The following PSMF1 variants were observed in gnomAD, a reference collection of about 807,000 sequenced individuals.
PSMF1 encodes proteasome inhibitor PI31 subunit.
Under a neutral mutation model 29.3 loss-of-function variants are expected in PSMF1, and 30 were observed. The ratio of observed to expected loss-of-function variants is 1.02; its 90% CI spans 0.77 to 1.39. The LOEUF is 1.39. Ranked by LOEUF, PSMF1 falls within the 40% of genes most tolerant of loss-of-function variation. PSMF1 has a pLI of 0.00. For missense variants in PSMF1, 344 were observed against 357.5 expected (o/e 0.96, Z 0.31); for synonymous variants, 134 against 139.7 (o/e 0.96, Z 0.29).
Position 1,164,492 on chromosome 20 carries a change from G to C in PSMF1, c.764+16G>C. On this transcript the variant is annotated intron_variant, in intron 6 of 6. Coordinates refer to ENST00000335877, the MANE Select transcript of PSMF1 (RefSeq NM_006814.5). This position sits in a 1 kb window ranked among gnomAD's most constrained non-coding sequence, Gnocchi z 4.1. ...GCCCACCCGGGTACGTAGTCACTCA[G>C]GTATGCTGAGAAGTAGGACCTGATG... 6.2e-7 allele frequency: 1 copy of C among 1,613,484 alleles called. No homozygotes were observed. Among genetic ancestry groups the C allele is most frequent in the Non-Finnish European group, 8.5e-7 (1 of 1,179,494 alleles).
At chr20:1,136,421 T>C (rs1404116075) in intron 4 of PSMF1, among the ~76,000 whole-genome samples, 1 of 152,164 alleles carries the variant, frequency 6.6e-6, no homozygotes. Flanking sequence ...AGAAGTCAAG[T>C]TGGGAAAAAA....
At position 1,166,116 on chromosome 20, in the gene PSMF1, C is replaced by T; in HGVS notation, c.*1036C>T. 5 of 1,555,350 alleles carry T rather than the reference C, an allele frequency of 3.2e-6. No individual in the cohort carries two copies. The Admixed American group carries it at 7.8e-5, about 24-fold the overall frequency. Reference sequence around the variant, plus strand: ...GACCCCATGGGGCCCAGACAGAGCACAGGAGCATGGGCTGCCTCTGAGTGT... The same window carrying T: ...GACCCCATGGGGCCCAGACAGAGCATAGGAGCATGGGCTGCCTCTGAGTGT... On this transcript the variant is annotated 3_prime_UTR_variant, in exon 7 of 7. Transcript: ENST00000335877.
At chr20:1,132,969 G>GTTTTTTTTTTTTTTTTTTTTTTT (rs60189289) in intron 3 of PSMF1, among the ~76,000 whole-genome samples, 2 of 134,114 alleles carry the variant, frequency 1.5e-5, no homozygotes, top group Non-Finnish European at 3.1e-5. Flanking sequence ...GGGTTTTTTT[G>GTTTTTTTTTTTTTTTTTTTTTTT]TTTTTTTTTT....
At chr20:1,160,630 T>C (rs1339808126) in intron 4 of PSMF1, 2 of 509,162 alleles carry the variant, frequency 3.9e-6, no homozygotes. Flanking sequence ...GGCTCCAGCA[T>C]GTGCAAAGCT....
chr20:1,159,908 T>A (rs2086645520), intron 4 of PSMF1, among the ~76,000 whole-genome samples: 4 of 152,190 alleles, frequency 2.6e-5, no homozygotes, highest in African/African-American at 7.2e-5. Context: ...AATGGCTTCT[T>A]ACCTGTAAGC....
intron 4 of PSMF1, among the ~76,000 whole-genome samples, chr20:1,137,080 A>G (rs1176472864): frequency 6.6e-6 from 1 of 152,198 alleles, no homozygotes; most frequent in Non-Finnish European, 1.5e-5. Context: ...AACATCCAGC[A>G]TCTCTGGTCT....
chr20:1,118,725 A>T lies in PSMF1; in HGVS notation c.-49A>T, dbSNP rs1188141852. 2 of 1,585,936 alleles carry T rather than the reference A, an allele frequency of 1.3e-6. No homozygotes were observed. The highest frequency in any genetic ancestry group is 2.3e-5 in the South Asian group (2 of 88,406). ...CCCGGCCGCGGAGCCGGCTCACTGC[A>T]CTACCCCCGCCCCCTTCTTTCCTCC... is the stretch of plus-strand genomic sequence containing the variant. On this transcript the variant is annotated 5_prime_UTR_variant, in exon 1 of 7. Transcript: ENST00000335877.
At chr20:1,162,584 G>A (rs976405983) in intron 4 of PSMF1, among the ~76,000 whole-genome samples, 1 of 152,178 alleles carries the variant, frequency 6.6e-6, no homozygotes, top group Non-Finnish European at 1.5e-5. Flanking sequence ...GGCAGTCCTA[G>A]AGATTACAGT....
At chr20:1,160,720 G>A in intron 4 of PSMF1, 1 of 479,750 alleles carries the variant, frequency 2.1e-6, no homozygotes. Context: ...ATGATGGTGG[G>A]GATGGGCCAG....
At chr20:1,126,533 A>G (rs781486009) in intron 2 of PSMF1, among the ~76,000 whole-genome samples, 2 of 152,128 alleles carry the variant, frequency 1.3e-5, no homozygotes, top group Non-Finnish European at 2.9e-5. Context: ...CTTGGTTTCA[A>G]ACAACAAAAA....
chr20:1,150,843 T>C (rs1366133671), intron 4 of PSMF1, among the ~76,000 whole-genome samples: 4 of 152,200 alleles, frequency 2.6e-5, no homozygotes, highest in Non-Finnish European at 5.9e-5. Flanking sequence ...GTCTTTGCCT[T>C]ATGCCAAGGT....
chr20:1,164,560 A>G lies in PSMF1; in HGVS notation c.764+84A>G. ...GGCAGCAATGAAGGTTTCTAGCCCC[A>G]GGCACAGAGCTGCCGCTGCCTTCAC... On this transcript the variant is annotated intron_variant, in intron 6 of 6. Coordinates refer to ENST00000335877, the MANE Select transcript of PSMF1 (RefSeq NM_006814.5). This position sits in a 1 kb window ranked among gnomAD's most constrained non-coding sequence, Gnocchi z 4.1. The G allele has an allele frequency of 1.9e-6, 3 of 1,547,240 alleles. No homozygotes were observed. The highest frequency in any genetic ancestry group is 2.7e-6 in the Non-Finnish European group (3 of 1,130,602).
At chr20:1,149,008 T>C (rs774258414) in intron 4 of PSMF1, among the ~76,000 whole-genome samples, 1 of 152,232 alleles carries the variant, frequency 6.6e-6, no homozygotes, top group African/African-American at 2.4e-5. Flanking sequence ...AAAATATCTC[T>C]TCAAAACAAA....
chr20:1,140,372 G>A (rs2086366173), intron 4 of PSMF1, among the ~76,000 whole-genome samples: 1 of 152,158 alleles, frequency 6.6e-6, no homozygotes, highest in African/African-American at 2.4e-5. Flanking sequence ...TTTTCAAATG[G>A]TGCTGGGACA....
rs192493732 is a variant in PSMF1, at chr20:1,156,627, G to T, written c.552-6503G>T. ...CATTCTTAAAGTATGGAGAGAAAAAGAATTGTCAACCCAGAATTCTATATC... is the reference window on the plus strand; with the variant it reads ...CATTCTTAAAGTATGGAGAGAAAAATAATTGTCAACCCAGAATTCTATATC... On this transcript the variant is annotated intron_variant, in intron 4 of 6. Transcript: ENST00000335877. Among the ~76,000 whole-genome samples the T allele has an allele frequency of 7.9e-5, 12 of 152,276 alleles. No individual in the cohort carries two copies. The East Asian group carries it at 2.3e-3, about 29-fold the overall frequency.
chr20:1,149,134 T>C lies in PSMF1; in HGVS notation c.551+13828T>C, dbSNP rs534716223. ...TTCTGCATTCAGTCTGTAGGGGATA[T>C]GTTGTTTTCATTGAAGCCTTTCACA... On this transcript the variant is annotated intron_variant, in intron 4 of 6. Transcript: ENST00000335877. Among the ~76,000 whole-genome samples, 4 of 152,364 alleles carry C rather than the reference T, an allele frequency of 2.6e-5. No individual in the cohort carries two copies. The East Asian group carries it at 5.8e-4, about 22-fold the overall frequency.
intron 3 of PSMF1, chr20:1,134,768 G>A: frequency 2.8e-6 from 1 of 355,338 alleles, no homozygotes; most frequent in South Asian, 2.3e-5. Context: ...CCCTTCCCAT[G>A]ACACGTGATG....
upstream of PSMF1, among the ~76,000 whole-genome samples, chr20:1,116,778 A>T (rs75062426): frequency 6.9e-6 from 1 of 145,480 alleles, no homozygotes; most frequent in Non-Finnish European, 1.5e-5. Flanking sequence ...GCTTTGCAGG[A>T]AAAAAAAAAA....
rs77526540 is a variant in PSMF1 at position 1,138,287 on chromosome 20, A to G, written c.551+2981A>G. ...CAACATATACAAAGGATTATATAAC[A>G]TGACCAAGTGAAATTGATTCCAGGA... On this transcript the variant is annotated intron_variant, in intron 4 of 6. Transcript: ENST00000335877. 3.2e-3 allele frequency among the ~76,000 whole-genome samples: 477 copies of G among 150,982 alleles called. 3 individuals carry two copies. The highest frequency in any genetic ancestry group is 0.011 in the African/African-American group (450 of 41,344).
Sources: allele counts gnomAD v4.1 joint callset (sites outside exome capture counted in the v4.1 genomes callset), GRCh38; gene constraint gnomAD v4.1.1; non-coding constraint Gnocchi (gnomAD v3.1); transcripts MANE v1.5; gene names NCBI Gene and HGNC (gene_info 2026-07-23, HGNC 2026-07-21).